The following COL4A6 variants were observed in gnomAD, a reference collection of about 807,000 sequenced individuals.
COL4A6 encodes the protein collagen alpha-6(IV) chain.
Under a neutral mutation model 126.7 loss-of-function variants are expected in COL4A6, and 59 were observed. That is an observed-to-expected ratio of 0.47 (90% confidence interval 0.38 to 0.58). The LOEUF is 0.58. COL4A6 is among the 20% of genes least tolerant of loss of function. The probability of loss-of-function intolerance (pLI) is 0.00; values close to 1 mark genes in which losing one functional copy is unlikely to be tolerated. For missense variants in COL4A6, 1,285 were observed against 1,337.3 expected, an observed-to-expected ratio of 0.96 and a Z score of 0.61; for synonymous variants, 547 against 496.6, an observed-to-expected ratio of 1.10 and a Z score of -1.35.
At chrX:108,324,678 A>C (rs1057114747) in intron 2 of COL4A6, among the ~76,000 whole-genome samples, 2 of 112,365 alleles carry the variant, frequency 1.8e-5, no homozygotes, top group Admixed American at 9.4e-5. Flanking sequence ...TCTGTGATTC[A>C]AACAACAAAT....
intron 13 of COL4A6, among the ~76,000 whole-genome samples, chrX:108,199,426 A>C (rs2035321769): frequency 9.0e-6 from 1 of 111,491 alleles, no homozygotes; most frequent in Non-Finnish European, 1.9e-5. Context: ...ATGAGGACTG[A>C]AGGAGTTACC....
intron 2 of COL4A6, among the ~76,000 whole-genome samples, chrX:108,377,937 G>A (rs1411753964): frequency 2.0e-5 from 1 of 49,316 alleles, no homozygotes; most frequent in African/African-American, 1.2e-4. Context: ...GCAAGACTCC[G>A]TCTCAAAAAA....
At chrX:108,368,632 C>A (rs948357721) in intron 2 of COL4A6, among the ~76,000 whole-genome samples, 1 of 111,904 alleles carries the variant, frequency 8.9e-6, no homozygotes, top group African/African-American at 3.2e-5. Flanking sequence ...ATATTTTAGA[C>A]TTTTGAATAT....
At chrX:108,425,948 T>C (rs1483346373) in intron 2 of COL4A6, among the ~76,000 whole-genome samples, 1 of 111,487 alleles carries the variant, frequency 9.0e-6, no homozygotes, top group Non-Finnish European at 1.9e-5. Context: ...AATGTTCTAA[T>C]AGAGTGTCCC....
intron 2 of COL4A6, among the ~76,000 whole-genome samples, chrX:108,330,606 G>A (rs1327594460): frequency 9.0e-6 from 1 of 111,330 alleles, no homozygotes; most frequent in Non-Finnish European, 1.9e-5. Context: ...GGAGGTAGAA[G>A]ACAGGGGACA....
intron 13 of COL4A6, among the ~76,000 whole-genome samples, chrX:108,200,725 T>C (rs2035366165): frequency 9.0e-6 from 1 of 111,400 alleles, no homozygotes; most frequent in African/African-American, 3.3e-5. Flanking sequence ...AACAATGTAC[T>C]GTATATTTCA....
At chrX:108,291,357 T>A (rs925543121) in intron 3 of COL4A6, among the ~76,000 whole-genome samples, 1 of 112,327 alleles carries the variant, frequency 8.9e-6, no homozygotes, top group Admixed American at 9.4e-5. Flanking sequence ...ATTACAAAAT[T>A]GTGATCATAT....
At chrX:108,360,044 A>G (rs1399731627) in intron 2 of COL4A6, among the ~76,000 whole-genome samples, 1 of 111,791 alleles carries the variant, frequency 8.9e-6, no homozygotes, top group African/African-American at 3.3e-5. Context: ...TTTGGAGGCA[A>G]CCAGATGTTT....
chrX:108,345,976 G>T (rs773720568), intron 2 of COL4A6, among the ~76,000 whole-genome samples: 3 of 111,258 alleles, frequency 2.7e-5, no homozygotes, highest in Non-Finnish European at 5.7e-5. Flanking sequence ...TGCAGCCAAG[G>T]TTGAGAAACA....
rs1310632337 is a variant in COL4A6, at chrX:108,407,809, C to A, written c.63+30133G>T. Among the ~76,000 whole-genome samples the A allele has an allele frequency of 2.7e-5, 3 of 112,368 alleles. No homozygotes were observed. The Admixed American group carries it at 2.8e-4, about 11-fold the overall frequency. On this transcript the variant is annotated intron_variant, in intron 2 of 44. Coordinates refer to ENST00000334504, the MANE Select transcript of COL4A6 (RefSeq NM_033641.4). ...ACCAATTTTCCTGCTGTATGATTTA[C>A]GGAATTCAAATGGATTCTGCTGCTG...
At chrX:108,281,948 GA>G (rs1024097263) in intron 3 of COL4A6, among the ~76,000 whole-genome samples, 77 of 110,076 alleles carry the variant, frequency 7.0e-4, no homozygotes, top group Admixed American at 4.9e-3. Flanking sequence ...GCCATATGTA[GA>G]AAGCTGAAAC....
chrX:108,418,269 G>A (rs2041471631), intron 2 of COL4A6, among the ~76,000 whole-genome samples: 1 of 112,300 alleles, frequency 8.9e-6, no homozygotes, highest in African/African-American at 3.2e-5. Context: ...TTATTTTCAA[G>A]TGGTTTGAAT....
intron 3 of COL4A6, among the ~76,000 whole-genome samples, chrX:108,290,254 C>G (rs1326260810): frequency 8.9e-6 from 1 of 111,954 alleles, no homozygotes; most frequent in Non-Finnish European, 1.9e-5. Flanking sequence ...TCACTGTGCT[C>G]TCATCCAAAA....
intron 8 of COL4A6, among the ~76,000 whole-genome samples, chrX:108,208,962 C>T (rs1417962724): frequency 8.9e-6 from 1 of 112,270 alleles, no homozygotes; most frequent in East Asian, 2.8e-4. Context: ...TGTGGACAAA[C>T]ATTGAGCCTT....
intron 2 of COL4A6, among the ~76,000 whole-genome samples, chrX:108,383,016 A>C (rs2040597238): frequency 2.0e-5 from 2 of 100,587 alleles, no homozygotes; most frequent in Admixed American, 1.1e-4. Flanking sequence ...CCTTTTGATT[A>C]ATTCCAAAAA....
At chrX:108,385,369 C>T (rs938047142) in intron 2 of COL4A6, among the ~76,000 whole-genome samples, 1 of 110,945 alleles carries the variant, frequency 9.0e-6, no homozygotes, top group African/African-American at 3.3e-5. Flanking sequence ...ATAAAAAACA[C>T]GACTATGTTC....
At chrX:108,219,621 T>G in intron 5 of COL4A6, 77 bp downstream of exon 5, 1 of 899,815 alleles carries the variant, frequency 1.1e-6, no homozygotes, top group East Asian at 3.1e-5. Context: ...GACAGGATGT[T>G]GCTGAGGTCA....
intron 10 of COL4A6, 64 bp from the exon 11 acceptor site, chrX:108,205,544 A>C: frequency 9.0e-7 from 1 of 1,116,530 alleles, no homozygotes; most frequent in South Asian, 1.9e-5. Flanking sequence ...TGGGAACTTA[A>C]ATTGGAATGC....
intron 2 of COL4A6, among the ~76,000 whole-genome samples, chrX:108,431,164 A>G (rs1489088519): frequency 2.7e-5 from 3 of 112,043 alleles, no homozygotes; most frequent in African/African-American, 9.7e-5. Flanking sequence ...CTTGTTCACC[A>G]CTGTGTCACT....
Sources: allele counts gnomAD v4.1 joint callset (sites outside exome capture counted in the v4.1 genomes callset), GRCh38; gene constraint gnomAD v4.1.1; transcripts MANE v1.5; gene names NCBI Gene and HGNC (gene_info 2026-07-23, HGNC 2026-07-21).